The following MYOCD variants were observed in gnomAD, a reference collection of about 807,000 sequenced individuals.
MYOCD encodes myocardin.
MYOCD carries 32 observed loss-of-function variants against 96.1 expected under a neutral mutation model. The ratio of observed to expected loss-of-function variants is 0.33; its 90% confidence interval spans 0.25 to 0.45. The LOEUF is 0.45. MYOCD is among the 20% of genes least tolerant of loss of function. MYOCD has a pLI of 1.00. For synonymous variants in MYOCD, 469 were observed against 469.0 expected (o/e 1.00, Z 0.00); for missense variants, 1,133 against 1,200.6 (o/e 0.94, Z 0.83).
chr17:12,725,366 TTTTA>T (rs770765283), intron 5 of MYOCD, among the ~76,000 whole-genome samples: 3 of 149,586 alleles, frequency 2.0e-5, no homozygotes, highest in Non-Finnish European at 3.0e-5. Context: ...TGTTTATGTA[TTTTA>T]TTTATGAATA....
chr17:12,758,059 CCTTT>C (rs1567602476), intron 11 of MYOCD, 22 bp from the exon 12 acceptor site: 5 of 1,497,140 alleles, frequency 3.3e-6, no homozygotes, highest in Non-Finnish European at 4.7e-6. Context: ...GAATTCAATG[CCTTT>C]CTTCATATTT....
intron 1 of MYOCD, among the ~76,000 whole-genome samples, chr17:12,703,409 T>C (rs2031161738): frequency 6.6e-6 from 1 of 152,062 alleles, no homozygotes; most frequent in African/African-American, 2.4e-5. Flanking sequence ...AGGAAGTTTT[T>C]GTGATTTTGA....
intron 12 of MYOCD, 118 bp from the exon 13 acceptor site, chr17:12,760,532 G>GA (rs981011356): frequency 6.6e-4 from 512 of 774,570 alleles, no homozygotes; most frequent in Non-Finnish European, 8.4e-4. Flanking sequence ...GCCACAATTG[G>GA]AAAAAAAAAT....
At chr17:12,680,102 G>A (rs1330107120) in intron 1 of MYOCD, among the ~76,000 whole-genome samples, 2 of 152,116 alleles carry the variant, frequency 1.3e-5, no homozygotes, top group Non-Finnish European at 2.9e-5. Context: ...TCAAAAGAAC[G>A]TAAACCTGTA....
Position 12,709,172 on chromosome 17 carries a change from CAT to C in MYOCD, c.121+3980_121+3981del, listed in dbSNP as rs1475766498. Among the ~76,000 whole-genome samples, 23 of 152,304 alleles carry C rather than the reference CAT, an allele frequency of 1.5e-4. No individual in the cohort carries two copies. The South Asian group carries it at 3.7e-3, about 25-fold the overall frequency. On this transcript the variant is annotated intron_variant, in intron 2 of 13. Transcript: ENST00000425538. Reference sequence around the variant, plus strand: ...CCCCATTGACTCTAATGAGGTGAATCATGTGTAATTCTAGTGAAACTAATCCA... The same window carrying C: ...CCCCATTGACTCTAATGAGGTGAATCGTGTAATTCTAGTGAAACTAATCCA...
chr17:12,685,358 A>G (rs929375484), intron 1 of MYOCD, among the ~76,000 whole-genome samples: 1 of 151,918 alleles, frequency 6.6e-6, no homozygotes, highest in Non-Finnish European at 1.5e-5. Context: ...TAATCCCAGC[A>G]ATTTGGGAGG....
intron 9 of MYOCD, among the ~76,000 whole-genome samples, chr17:12,752,144 A>G (rs2032869766): frequency 6.6e-6 from 1 of 152,216 alleles, no homozygotes; most frequent in Non-Finnish European, 1.5e-5. Context: ...CGGGCAGTAG[A>G]TTAGATGACT....
intron 13 of MYOCD, 28 bp from the exon 14 acceptor site, chr17:12,763,045 A>T: frequency 6.4e-7 from 1 of 1,561,878 alleles, no homozygotes; most frequent in Non-Finnish European, 8.7e-7. Flanking sequence ...GAAGTGATTT[A>T]ACAAGTCACA....
At chr17:12,744,068 A>G in intron 7 of MYOCD, 115 bp from the exon 8 acceptor site, 1 of 1,259,842 alleles carries the variant, frequency 7.9e-7, no homozygotes, top group Non-Finnish European at 1.1e-6. Flanking sequence ...GCTATATTAT[A>G]TTTCTGAGAT....
chr17:12,758,373 C>A, intron 12 of MYOCD, 160 bp downstream of exon 12: 1 of 1,117,710 alleles, frequency 8.9e-7, no homozygotes, highest in Non-Finnish European at 1.3e-6. Context: ...AATTGGAAAA[C>A]AGTGTTGCAT....
In MYOCD at chr17:12,677,858, A is replaced by T. The variant is rs560169601; in HGVS notation, c.55+11615A>T. 6.6e-5 allele frequency among the ~76,000 whole-genome samples: 10 copies of T among 150,818 alleles called. No homozygotes were observed. The East Asian group carries it at 1.9e-3, about 29-fold the overall frequency. ...CAGCCTCTCATGAATTTCTCTTAAG[A>T]TTCACTGCCCAGCTATTATCATTTC... On this transcript the variant is annotated intron_variant, in intron 1 of 13. Transcript: ENST00000425538.
intron 4 of MYOCD, among the ~76,000 whole-genome samples, chr17:12,720,914 C>T (rs186863251): frequency 0.012 from 1,823 of 151,016 alleles, 15 homozygotes; most frequent in South Asian, 0.026. Context: ...CCCAGCTACT[C>T]GGGAGGCTGA....
intron 1 of MYOCD, among the ~76,000 whole-genome samples, chr17:12,681,054 C>T (rs1487392003): frequency 6.6e-6 from 1 of 152,208 alleles, no homozygotes. Flanking sequence ...GCCTCCAGCG[C>T]TGAAGGAGCT....
intron 4 of MYOCD, among the ~76,000 whole-genome samples, chr17:12,717,917 T>TG (rs1381483555): frequency 6.6e-6 from 1 of 152,194 alleles, no homozygotes; most frequent in African/African-American, 2.4e-5. Flanking sequence ...ACCTCTGTGC[T>TG]GGGGTATGTG....
intron 5 of MYOCD, among the ~76,000 whole-genome samples, chr17:12,732,235 A>C (rs1023220246): frequency 6.6e-6 from 1 of 152,120 alleles, no homozygotes; most frequent in Non-Finnish European, 1.5e-5. Context: ...ATGTCTCTCC[A>C]GGGGTTGGCT....
chr17:12,747,655 AC>A (rs561160967), intron 9 of MYOCD, among the ~76,000 whole-genome samples: 169 of 152,290 alleles, frequency 1.1e-3, no homozygotes, highest in Non-Finnish European at 2.0e-3. Flanking sequence ...TGATGCAACC[AC>A]AATTGAGGAA....
chr17:12,765,455 G>C lies in MYOCD; in HGVS notation c.*1811G>C, dbSNP rs1321851028. The C allele has an allele frequency of 6.6e-6, 1 of 152,128 alleles. No homozygotes were observed. Among genetic ancestry groups the C allele is most frequent in the Non-Finnish European group, 1.5e-5 (1 of 68,032 alleles). The allele number at this position is 152,128 out of a possible 1,614,324, so 9.4% of individuals were successfully genotyped here. A position where few individuals can be genotyped will look rare whatever the true frequency, so the allele number is the denominator to read the frequency against. On this transcript the variant is annotated 3_prime_UTR_variant, in exon 14 of 14. Transcript: ENST00000425538. Reference sequence around the variant, plus strand: ...ACTTGTAAAAATGTGTGAACACAGAGAGTTTTTGGTGATTGCTACTCTGAA... The same window carrying C: ...ACTTGTAAAAATGTGTGAACACAGACAGTTTTTGGTGATTGCTACTCTGAA...
intron 8 of MYOCD, among the ~76,000 whole-genome samples, chr17:12,745,161 AC>A (rs1299042605): frequency 6.6e-6 from 1 of 152,186 alleles, no homozygotes; most frequent in Non-Finnish European, 1.5e-5. Flanking sequence ...AGGTTGTGTG[AC>A]CACATTGCTA....
At position 12,765,991 on chromosome 17, in the gene MYOCD, G is replaced by C. The variant is rs558883528; in HGVS notation, c.*2347G>C. The C allele has an allele frequency of 1.5e-4, 23 of 152,226 alleles. No homozygotes were observed. The highest frequency in any genetic ancestry group is 5.5e-4 in the African/African-American group (23 of 41,564). 9.4% of individuals were successfully genotyped at this position (152,226 alleles called of 1,614,324 possible). A position where few individuals can be genotyped will look rare whatever the true frequency, so the allele number is the denominator to read the frequency against. ...TCATCAGAACCAAAAAAATCCAGAA[G>C]AAAAAATTGCCAGTGTTTCCTTTGA... On this transcript the variant is annotated 3_prime_UTR_variant, in exon 14 of 14. Transcript: ENST00000425538.
Sources: gnomAD v4.1 joint callset for allele counts (sites outside exome capture counted in the v4.1 genomes callset) on GRCh38, gnomAD v4.1.1 for gene constraint, MANE v1.5 for transcripts, NCBI Gene and HGNC (gene_info 2026-07-23, HGNC 2026-07-21) for gene names.